Variants in GLT1D1 observed in about 807,000 individuals in gnomAD.
GLT1D1 encodes glycosyltransferase 1 domain-containing protein 1.
GLT1D1 carries 21 observed loss-of-function variants against 28.7 expected under a neutral mutation model. The ratio of observed to expected loss-of-function variants is 0.73; its 90% CI spans 0.52 to 1.05. The LOEUF (loss-of-function observed/expected upper bound fraction) is 1.05, where lower values mean the gene tolerates loss of function less well. Among genes scored for constraint, GLT1D1 ranks in the 50% least tolerant of loss-of-function variants. The probability of loss-of-function intolerance (pLI) is 0.00; values close to 1 mark genes in which losing one functional copy is unlikely to be tolerated. For missense variants in GLT1D1, 343 were observed against 330.6 expected, an observed-to-expected ratio of 1.04 and a Z score of -0.29; for synonymous variants, 147 against 124.8, an observed-to-expected ratio of 1.18 and a Z score of -1.19.
intron 4 of GLT1D1, among the ~76,000 whole-genome samples, chr12:128,917,895 G>A (rs533650890): frequency 6.6e-5 from 10 of 152,244 alleles, no homozygotes; most frequent in South Asian, 4.1e-4. Context: ...TAGTTCAACC[G>A]TTTTGGAAGA....
chr12:128,901,995 A>T (rs1870331226), intron 4 of GLT1D1, among the ~76,000 whole-genome samples: 1 of 151,754 alleles, frequency 6.6e-6, no homozygotes. Flanking sequence ...GGCTTTCCTG[A>T]TGAAATTGGT....
intron 3 of GLT1D1, among the ~76,000 whole-genome samples, chr12:128,890,268 A>T (rs1053444687): frequency 6.6e-6 from 1 of 152,046 alleles, no homozygotes; most frequent in Non-Finnish European, 1.5e-5. Flanking sequence ...TCATCAGAAC[A>T]CTCATTCTGT....
At chr12:128,927,444 T>C (rs1342220460) in intron 4 of GLT1D1, among the ~76,000 whole-genome samples, 31 of 151,802 alleles carry the variant, frequency 2.0e-4, no homozygotes, top group Non-Finnish European at 4.4e-5. Context: ...TTCACCGTGT[T>C]AGCCAGGATG....
rs1880575393 is a variant in GLT1D1 at position 128,984,039 on chromosome 12, TGTCCTCTCCTA to T, written c.*952_*962del. 1 of 152,322 alleles carries T rather than the reference TGTCCTCTCCTA, an allele frequency of 6.6e-6. No individual in the cohort carries two copies. Among genetic ancestry groups the T allele is most frequent in the Admixed American group, 6.5e-5 (1 of 15,294 alleles). The allele number at this position is 152,322 out of a possible 1,614,324, so 9.4% of individuals were successfully genotyped here. ...TCACATGAGGACGTGCAGTCTTCCT[TGTCCTCTCCTA>T]GTGGAATTTGCCTGGGAGAACCTCC... On this transcript the variant is annotated 3_prime_UTR_variant, in exon 8 of 8. Coordinates refer to ENST00000281703, the MANE Select transcript of GLT1D1 (RefSeq NM_144669.3).
At chr12:128,929,277 G>A (rs1233004445) in intron 4 of GLT1D1, among the ~76,000 whole-genome samples, 3 of 152,174 alleles carry the variant, frequency 2.0e-5, no homozygotes, top group South Asian at 2.1e-4. Context: ...CATGGACTAA[G>A]CTGCCTGGTC....
chr12:128,888,368 CAA>C (rs1417270523), intron 2 of GLT1D1, among the ~76,000 whole-genome samples: 2 of 152,136 alleles, frequency 1.3e-5, no homozygotes, highest in Non-Finnish European at 1.5e-5. Flanking sequence ...ATGAGGCTAA[CAA>C]TATTTTTTAT....
intron 1 of GLT1D1, among the ~76,000 whole-genome samples, chr12:128,871,071 T>A (rs899885119): frequency 2.0e-5 from 3 of 152,204 alleles, no homozygotes; most frequent in African/African-American, 7.2e-5. Context: ...CCACGCACTC[T>A]GCTGTATCGA....
At chr12:128,914,951 A>G (rs1267607971) in intron 4 of GLT1D1, 2 of 1,536,042 alleles carry the variant, frequency 1.3e-6, no homozygotes, top group Admixed American at 3.9e-5. Context: ...ACAACACCAA[A>G]CGCCGCTTTT....
intron 4 of GLT1D1, among the ~76,000 whole-genome samples, chr12:128,923,702 A>G (rs1474678985): frequency 6.6e-6 from 1 of 151,776 alleles, no homozygotes; most frequent in African/African-American, 2.4e-5. Context: ...TTGTATTTTT[A>G]GTAGAGACGG....
chr12:128,858,517 C>A (rs1474039006), intron 1 of GLT1D1, among the ~76,000 whole-genome samples: 1 of 152,008 alleles, frequency 6.6e-6, no homozygotes, highest in Admixed American at 6.6e-5. Flanking sequence ...ACTAAAAATA[C>A]CAAAATTAGC....
At chr12:128,912,458 A>C in intron 4 of GLT1D1, 1 of 1,510,618 alleles carries the variant, frequency 6.6e-7, no homozygotes, top group East Asian at 2.5e-5. Context: ...GTCCAGAGTC[A>C]AGGTAAGATT....
At chr12:128,933,721 C>T (rs1156666549) in intron 4 of GLT1D1, among the ~76,000 whole-genome samples, 1 of 152,138 alleles carries the variant, frequency 6.6e-6, no homozygotes, top group Non-Finnish European at 1.5e-5. Context: ...CCTGACCACC[C>T]AACTGAAACT....
chr12:128,942,756 G>GTTTTTTTGTTTTTTTTTTTTTTGTTT (rs1875479602), intron 4 of GLT1D1, among the ~76,000 whole-genome samples: 1 of 124,930 alleles, frequency 8.0e-6, no homozygotes, highest in African/African-American at 3.4e-5. Context: ...TTTGTTTTTT[G>GTTTTTTTGTTTTTTTTTTTTTTGTTT]TTTTTTTTTT....
At chr12:128,868,163 G>A (rs1368850955) in intron 1 of GLT1D1, among the ~76,000 whole-genome samples, 2 of 152,220 alleles carry the variant, frequency 1.3e-5, no homozygotes, top group Non-Finnish European at 2.9e-5. Context: ...TCCGTCTCCT[G>A]CATCTGCTTC....
chr12:128,969,225 G>A (rs1390174116), intron 7 of GLT1D1, among the ~76,000 whole-genome samples: 1 of 149,328 alleles, frequency 6.7e-6, no homozygotes, highest in Non-Finnish European at 1.5e-5. Context: ...TTCTCTCATT[G>A]TCTCTTCCTC....
chr12:128,874,192 C>CTT (rs1956816767), intron 1 of GLT1D1, among the ~76,000 whole-genome samples: 15 of 139,398 alleles, frequency 1.1e-4, no homozygotes, highest in African/African-American at 4.0e-4. Context: ...CTCTTTCTTT[C>CTT]TCTCTTTCTC....
chr12:128,887,164 A>T (rs925643625), intron 2 of GLT1D1, among the ~76,000 whole-genome samples: 2 of 151,820 alleles, frequency 1.3e-5, no homozygotes, highest in Non-Finnish European at 2.9e-5. Flanking sequence ...GGTGTGCCCC[A>T]CCACACCTGG....
At chr12:128,974,531 C>A (rs533667507) in intron 7 of GLT1D1, among the ~76,000 whole-genome samples, 1 of 152,314 alleles carries the variant, frequency 6.6e-6, no homozygotes, top group East Asian at 1.9e-4. Context: ...GCTGTGCAAA[C>A]GCCAGAAGGG....
intron 7 of GLT1D1, among the ~76,000 whole-genome samples, chr12:128,966,204 C>T (rs586201): frequency 0.057 from 8,675 of 152,278 alleles, 805 homozygotes; most frequent in African/African-American, 0.2. Context: ...AAGGAGACAG[C>T]AGAATGCTCC....
Sources: gnomAD v4.1 joint callset for allele counts (sites outside exome capture counted in the v4.1 genomes callset) on GRCh38, gnomAD v4.1.1 for gene constraint, MANE v1.5 for transcripts, NCBI Gene and HGNC (gene_info 2026-07-23, HGNC 2026-07-21) for gene names.